The following APLP2 variants were observed in gnomAD, a reference collection of about 807,000 sequenced individuals.
APLP2 encodes the protein amyloid beta precursor like protein 2, also known as CDEI box-binding protein.
A neutral mutation model predicts 89.9 loss-of-function variants in APLP2; 53 were observed. The observed-to-expected ratio is 0.59, with a 90% CI of 0.47 to 0.74. The LOEUF is 0.74. Among genes scored for constraint, APLP2 ranks in the 30% least tolerant of loss-of-function variants. The pLI is 0.00. For synonymous variants in APLP2, 372 were observed against 348.6 expected (o/e 1.07, Z -0.75); for missense variants, 973 against 975.9 (o/e 1.00, Z 0.04).
At position 130,121,755 on chromosome 11, in the gene APLP2, G is replaced by T; in HGVS notation, c.658G>T (p.Asp220Tyr). 1 of 1,607,906 alleles carries T rather than the reference G, an allele frequency of 6.2e-7. No homozygotes were observed. The highest frequency in any genetic ancestry group is 8.5e-7 in the Non-Finnish European group (1 of 1,178,928). ...TGTGTCAAAAGAAGAGGAAGAGGAA[G>T]ATGAAGAGGAAGAGGAAGAGGAAGA... ...GSVSKEEEEE[D>Y]EEEEEEEDEE... Residue 220 changes from aspartate to tyrosine, a missense_variant, in exon 5 of 17, where the codon GAT (aspartate) becomes TAT (tyrosine). By Grantham distance (160) the Asp-to-Tyr change is radical. Transcript: ENST00000338167.
chr11:130,140,823 G>C (rs1282777412), intron 14 of APLP2: 1 of 169,724 alleles, frequency 5.9e-6, no homozygotes, highest in Non-Finnish European at 1.2e-5. Flanking sequence ...TACTGCCTTA[G>C]GTTTATACCC....
At chr11:130,126,434 T>C (rs922702400) in intron 7 of APLP2, among the ~76,000 whole-genome samples, 22 of 152,202 alleles carry the variant, frequency 1.4e-4, no homozygotes, top group African/African-American at 5.3e-4. Context: ...TTTTCAGCCC[T>C]GAGGTCTTAA....
intron 1 of APLP2, among the ~76,000 whole-genome samples, chr11:130,082,957 C>T (rs1342386983): frequency 6.6e-6 from 1 of 151,352 alleles, no homozygotes; most frequent in Admixed American, 6.6e-5. Context: ...GCCTAAAGTC[C>T]ACAGATCTTT....
chr11:130,112,993 C>T (rs1200991496), intron 3 of APLP2, among the ~76,000 whole-genome samples: 2 of 152,142 alleles, frequency 1.3e-5, no homozygotes, highest in Non-Finnish European at 2.9e-5. Flanking sequence ...CAGGAGTTGC[C>T]TCCTTTAAAG....
intron 3 of APLP2, among the ~76,000 whole-genome samples, chr11:130,119,961 G>C (rs990128300): frequency 2.0e-5 from 3 of 152,058 alleles, no homozygotes; most frequent in African/African-American, 7.2e-5. Flanking sequence ...TCTTTCTTTA[G>C]AAACAAAAAC....
intron 3 of APLP2, among the ~76,000 whole-genome samples, chr11:130,112,844 C>A (rs568378882): frequency 3.2e-4 from 48 of 152,182 alleles, no homozygotes; most frequent in Non-Finnish European, 6.2e-4. Flanking sequence ...CAACTCTCCC[C>A]TGTTCTCTGT....
At chr11:130,083,952 G>C (rs937307743) in intron 1 of APLP2, among the ~76,000 whole-genome samples, 55 of 152,210 alleles carry the variant, frequency 3.6e-4, no homozygotes, top group African/African-American at 1.3e-3. Context: ...GCATACAGGA[G>C]TTCCGATTTC....
intron 3 of APLP2, 58 bp from the exon 4 acceptor site, chr11:130,120,648 G>A (rs1324561633): frequency 1.6e-6 from 2 of 1,256,924 alleles, no homozygotes; most frequent in African/African-American, 1.5e-5. Context: ...TTCAGTGAGG[G>A]GCATTTTCAC....
intron 16 of APLP2, among the ~76,000 whole-genome samples, 200 bp from the exon 17 acceptor site, chr11:130,143,147 G>A (rs938896847): frequency 2.6e-5 from 4 of 152,156 alleles, no homozygotes; most frequent in Non-Finnish European, 2.9e-5. Context: ...CTCTCGTTTC[G>A]AAAGCATTGC....
At chr11:130,093,846 CTA>C (rs59313381) in intron 1 of APLP2, among the ~76,000 whole-genome samples, 15,280 of 151,996 alleles carry the variant, frequency 0.1, 1,167 homozygotes, top group African/African-American at 0.21. Context: ...CTGGTTCAAG[CTA>C]TGCTCCTGCC....
intron 1 of APLP2, among the ~76,000 whole-genome samples, chr11:130,103,411 TTGG>T (rs2135714420): frequency 6.6e-6 from 1 of 152,352 alleles, no homozygotes; most frequent in South Asian, 2.1e-4. Flanking sequence ...CTGCTTTTTC[TTGG>T]TGGTAACTGA....
intron 1 of APLP2, among the ~76,000 whole-genome samples, chr11:130,088,268 G>GA (rs553857146): frequency 1.6e-4 from 25 of 152,230 alleles, no homozygotes; most frequent in African/African-American, 5.1e-4. Context: ...TTCCAGGGGG[G>GA]AAAAAACCAT....
chr11:130,109,803 C>A (rs1948311537), intron 2 of APLP2: 1 of 502,300 alleles, frequency 2.0e-6, no homozygotes. Flanking sequence ...TGTGAGCTCT[C>A]AGTTCTTTAA....
In APLP2 at chr11:130,123,796, GCTGGTCCCGTGCGGCAGCA is replaced by G; in HGVS notation, c.1090+19_1090+37del. The G allele has an allele frequency of 6.2e-7, 1 of 1,612,178 alleles. No homozygotes were observed. The highest frequency in any genetic ancestry group is 8.5e-7 in the Non-Finnish European group (1 of 1,178,674). ...AAGCGATGAGTAAGTCCTGCCTCGC[GCTGGTCCCGTGCGGCAGCA>G]CCGTCCTGTCTGGCGTCCGTCTCCC... On this transcript the variant is annotated intron_variant, in intron 7 of 16. Coordinates refer to ENST00000338167, the MANE Select transcript of APLP2 (RefSeq NM_001142276.2). The surrounding 1 kb of genome is among the most constrained non-coding windows in gnomAD (Gnocchi z 4.0).
chr11:130,070,734 G>A, intron 1 of APLP2: 1 of 1,459,084 alleles, frequency 6.9e-7, no homozygotes, highest in Admixed American at 2.5e-5. Flanking sequence ...GTAGACCGAG[G>A]AAACCCGCTC....
intron 3 of APLP2, among the ~76,000 whole-genome samples, chr11:130,115,270 GAT>G (rs1565582100): frequency 6.6e-6 from 1 of 152,082 alleles, no homozygotes; most frequent in Non-Finnish European, 1.5e-5. Flanking sequence ...GAGTACACGA[GAT>G]ATTTTGATAC....
chr11:130,106,026 T>C (rs978936846), intron 1 of APLP2, among the ~76,000 whole-genome samples: 1 of 152,218 alleles, frequency 6.6e-6, no homozygotes, highest in South Asian at 2.1e-4. Context: ...TTCTCGTGCA[T>C]GTCTGCAGGA....
intron 1 of APLP2, among the ~76,000 whole-genome samples, chr11:130,076,538 C>T (rs1942156689): frequency 6.6e-6 from 1 of 152,114 alleles, no homozygotes; most frequent in Non-Finnish European, 1.5e-5. Context: ...AGAAGGCTGC[C>T]AGCACCAGAT....
intron 7 of APLP2, among the ~76,000 whole-genome samples, chr11:130,125,927 A>G (rs964660193): frequency 1.3e-5 from 2 of 152,140 alleles, no homozygotes; most frequent in African/African-American, 4.8e-5. Flanking sequence ...CCCATGAGAG[A>G]TTATGCCCAT....
Sources: allele counts gnomAD v4.1 joint callset (sites outside exome capture counted in the v4.1 genomes callset), GRCh38; gene constraint gnomAD v4.1.1; non-coding constraint Gnocchi (gnomAD v3.1); transcripts MANE v1.5; gene names NCBI Gene and HGNC (gene_info 2026-07-23, HGNC 2026-07-21).